GALNS: variants seen among roughly 807,000 people sequenced by gnomAD.
GALNS encodes galactosamine (N-acetyl)-6-sulfatase.
GALNS carries 65 observed loss-of-function variants against 65.9 expected under a neutral mutation model. That is an observed-to-expected ratio of 0.99 (90% confidence interval 0.81 to 1.21). The LOEUF (loss-of-function observed/expected upper bound fraction) is 1.21. Ranked by LOEUF, GALNS falls within the 50% of genes most tolerant of loss-of-function variation. The pLI, the probability that GALNS is intolerant of heterozygous loss-of-function variation, is 0.00. For synonymous variants in GALNS, 346 were observed against 288.9 expected (o/e 1.20, Z -2.00); for missense variants, 776 against 700.7 (o/e 1.11, Z -1.21).
At position 88,856,935 on chromosome 16, in the gene GALNS, G is replaced by C. The variant is rs1244075467; in HGVS notation, c.-58C>G. The stretch of plus-strand genomic sequence containing the variant: ...CGAGCCGACCTAGCGAGCGTCCGCC[G>C]GCCCTTCCGGCTGGGCTGCGGGGCG... On this transcript the variant is annotated 5_prime_UTR_variant, in exon 1 of 14. Transcript: ENST00000268695. The C allele has an allele frequency of 6.8e-7, 1 of 1,466,490 alleles. No homozygotes were observed. The highest frequency in any genetic ancestry group is 8.9e-7 in the Non-Finnish European group (1 of 1,117,758). The allele number at this position is 1,466,490 out of a possible 1,614,324, so 90.8% of individuals were successfully genotyped here.
chr16:88,856,886 C>A lies in GALNS; in HGVS notation c.-9G>T, dbSNP rs1967947900. The A allele has an allele frequency of 1.3e-6, 2 of 1,504,570 alleles. No individual in the cohort carries two copies. The allele number at this position is 1,504,570 out of a possible 1,614,324, so 93.2% of individuals were successfully genotyped here. A position where few individuals can be genotyped will look rare whatever the true frequency, so the allele number is the denominator to read the frequency against. Reference sequence around the variant, plus strand: ...GCGACAACCGCCGCCATGGCAACCACGGGAGCCGCGGAGCCCCGGCCAGCG... The same window carrying A: ...GCGACAACCGCCGCCATGGCAACCAAGGGAGCCGCGGAGCCCCGGCCAGCG... On this transcript the variant is annotated 5_prime_UTR_variant, in exon 1 of 14. Coordinates refer to ENST00000268695, the MANE Select transcript of GALNS (RefSeq NM_000512.5).
rs374694424 is a variant in GALNS at position 88,835,784 on chromosome 16, G to A, written c.699C>T (p.Asp233=). 312 of 1,614,012 alleles carry A rather than the reference G, an allele frequency of 1.9e-4. No homozygotes were observed. The highest frequency in any genetic ancestry group is 2.6e-4 in the South Asian group (24 of 91,092). ...AGGCATAGACGGGTGCGTGCGTGGCGTCGACAGCCCAGTAGAGGAAAAAGG... is the reference window on the plus strand; with the variant it reads ...AGGCATAGACGGGTGCGTGCGTGGCATCGACAGCCCAGTAGAGGAAAAAGG... ...HHPFFLYWAV[D]ATHAPVYASK... The change falls in exon 7 of 14, where the codon GAC becomes GAT. Residue 233 remains aspartate, a synonymous_variant. Transcript: ENST00000268695.
intron 13 of GALNS, chr16:88,815,300 G>C: frequency 1.0e-6 from 1 of 985,490 alleles, no homozygotes; most frequent in Non-Finnish European, 1.2e-6. Context: ...GTGTTAGAAA[G>C]GGCAGGCGGT....
chr16:88,823,382 C>G lies in GALNS; in HGVS notation c.1243-672G>C, dbSNP rs80044736. Among the ~76,000 whole-genome samples, 30 of 152,398 alleles carry G rather than the reference C, an allele frequency of 2.0e-4. No individual in the cohort carries two copies. In the East Asian group the frequency reaches 4.4e-3, roughly 22 times the overall value. On this transcript the variant is annotated intron_variant, in intron 11 of 13. Transcript: ENST00000268695. Reference sequence around the variant, plus strand: ...AATTCTCTTTCTGCTGCCCCTGGGCCTCCTGATTCGGGAAAGGCGAGGTAT... The same window carrying G: ...AATTCTCTTTCTGCTGCCCCTGGGCGTCCTGATTCGGGAAAGGCGAGGTAT...
rs1387373648 is a variant in GALNS, at chr16:88,814,004, C to G, written c.*435G>C. On this transcript the variant is annotated 3_prime_UTR_variant, in exon 14 of 14. Coordinates refer to ENST00000268695, the MANE Select transcript of GALNS (RefSeq NM_000512.5). ...GTGGAAGGCTGACTGAACCAATGTA[C>G]GCCATACACATACTGATCTTGTGTC... The G allele has an allele frequency of 1.0e-5, 3 of 286,400 alleles. No individual in the cohort carries two copies. The highest frequency in any genetic ancestry group is 2.1e-5 in the Non-Finnish European group (3 of 144,530). 17.7% of individuals were successfully genotyped at this position (286,400 alleles called of 1,614,324 possible).
At chr16:88,849,595 G>C (rs554398189) in intron 1 of GALNS, among the ~76,000 whole-genome samples, 4 of 152,194 alleles carry the variant, frequency 2.6e-5, no homozygotes, top group African/African-American at 4.8e-5. Flanking sequence ...CAACTTTTTT[G>C]TATTTTTGGT....
chr16:88,842,096 G>T (rs1967003232), intron 2 of GALNS, 125 bp from the exon 3 acceptor site: 2 of 841,322 alleles, frequency 2.4e-6, no homozygotes, highest in South Asian at 1.4e-5. Flanking sequence ...TTTACAAGGG[G>T]CTGCCACGCC....
chr16:88,835,164 T>C (rs761934599), intron 8 of GALNS, 49 bp downstream of exon 8: 43 of 1,552,854 alleles, frequency 2.8e-5, no homozygotes, highest in Non-Finnish European at 3.7e-5. Flanking sequence ...CACTCTTCGC[T>C]GACACGCTGG....
intron 1 of GALNS, among the ~76,000 whole-genome samples, chr16:88,848,429 C>T (rs1304930857): frequency 6.6e-6 from 1 of 152,088 alleles, no homozygotes; most frequent in Non-Finnish European, 1.5e-5. Context: ...GTCAGGAGAT[C>T]GAGACCATCC....
chr16:88,846,038 G>C (rs192609289), intron 1 of GALNS, among the ~76,000 whole-genome samples: 1 of 152,268 alleles, frequency 6.6e-6, no homozygotes, highest in East Asian at 1.9e-4. Context: ...ACTTGTAGGA[G>C]TTTATCCTAA....
chr16:88,838,229 C>T (rs1024706266), intron 4 of GALNS, among the ~76,000 whole-genome samples: 2 of 152,208 alleles, frequency 1.3e-5, no homozygotes, highest in African/African-American at 4.8e-5. Context: ...TCTCTCCACA[C>T]CGAGGCGCTC....
At chr16:88,815,791 T>G in intron 13 of GALNS, 3 of 985,306 alleles carry the variant, frequency 3.0e-6, no homozygotes, top group Non-Finnish European at 3.6e-6. Flanking sequence ...AGGAGTGGGT[T>G]TGGGTGAGGA....
At chr16:88,851,483 C>A (rs1306493455) in intron 1 of GALNS, among the ~76,000 whole-genome samples, 1 of 152,156 alleles carries the variant, frequency 6.6e-6, no homozygotes, top group Non-Finnish European at 1.5e-5. Context: ...AACTGAGGTG[C>A]CTGGTTCATC....
chr16:88,814,464 G>A lies in GALNS; in HGVS notation c.1544C>T (p.Pro515Leu), dbSNP rs1909422170. ...CTAGTGGGACCAGAGGCACTTCTTGGGAATGGATTCTGGAGGTGTCAGACA... is the reference window on the plus strand; with the variant it reads ...CTAGTGGGACCAGAGGCACTTCTTGAGAATGGATTCTGGAGGTGTCAGACA... ...GKCLTPPESI[P>L]KKCLWSH Residue 515 changes from proline (P) to leucine (L), a missense_variant, in exon 14 of 14, where the codon CCC becomes CTC. Pro to Leu is a moderately conservative substitution (Grantham distance 98). Transcript: ENST00000268695. The A allele has an allele frequency of 1.3e-6, 2 of 1,563,500 alleles. No individual in the cohort carries two copies. The highest frequency in any genetic ancestry group is 2.4e-5 in the South Asian group (2 of 84,874).
At chr16:88,842,926 T>C (rs997617722) in intron 1 of GALNS, 97 bp from the exon 2 acceptor site, 4 of 1,551,046 alleles carry the variant, frequency 2.6e-6, no homozygotes, top group African/African-American at 1.4e-5. Context: ...TCGGGGACCG[T>C]GGAAGCCAGC....
At chr16:88,821,763 G>A (rs1910242937) in intron 12 of GALNS, among the ~76,000 whole-genome samples, 1 of 152,212 alleles carries the variant, frequency 6.6e-6, no homozygotes, top group Non-Finnish European at 1.5e-5. Context: ...GAAAGCCTGG[G>A]CAGGGAGCAA....
chr16:88,822,203 G>C (rs367631219), intron 12 of GALNS, among the ~76,000 whole-genome samples: 13 of 152,162 alleles, frequency 8.5e-5, no homozygotes, highest in Non-Finnish European at 1.6e-4. Context: ...GAGAGCAGAG[G>C]GTGGAGCTGG....
At chr16:88,840,467 C>T (rs543838273) in intron 4 of GALNS, 54 of 192,100 alleles carry the variant, frequency 2.8e-4, no homozygotes, top group African/African-American at 5.4e-4. Context: ...ACATCCTGTG[C>T]GCCTAAAACC....
At chr16:88,834,407 TG>T (rs1211682245) in intron 8 of GALNS, among the ~76,000 whole-genome samples, 2 of 96,020 alleles carry the variant, frequency 2.1e-5, no homozygotes. Context: ...CCGCGTGGTC[TG>T]GGAAGAGGCT....
Sources: gnomAD v4.1 joint callset for allele counts (sites outside exome capture counted in the v4.1 genomes callset) on GRCh38, gnomAD v4.1.1 for gene constraint, MANE v1.5 for transcripts, NCBI Gene and HGNC (gene_info 2026-07-23, HGNC 2026-07-21) for gene names.